Variants in TBC1D28 observed in about 807,000 individuals in gnomAD.
The protein encoded by TBC1D28 is TBC1 domain family, member 28.
In TBC1D28, 20 loss-of-function variants were observed where a neutral mutation model predicts 29.2. That is an observed-to-expected ratio of 0.68 (90% CI 0.48 to 0.99). The LOEUF (loss-of-function observed/expected upper bound fraction) is 0.99. TBC1D28 is among the 50% of genes least tolerant of loss of function. The pLI, the probability that TBC1D28 is intolerant of heterozygous loss-of-function variation, is 0.00. For synonymous variants in TBC1D28, 65 were observed against 90.9 expected (o/e 0.71, Z 1.62); for missense variants, 205 against 243.7 (o/e 0.84, Z 1.06).
At chr17:18,639,576 TGACTA>T (rs1411683817) in intron 4 of TBC1D28, among the ~76,000 whole-genome samples, 2 of 120,770 alleles carry the variant, frequency 1.7e-5, no homozygotes, top group Non-Finnish European at 3.4e-5. Flanking sequence ...GGCCAAGCCC[TGACTA>T]ACAGCAGTAC....
intron 8 of TBC1D28, among the ~76,000 whole-genome samples, chr17:18,637,202 G>A (rs1454586306): frequency 4.6e-5 from 6 of 131,736 alleles, no homozygotes; most frequent in African/African-American, 1.2e-4. Flanking sequence ...TCACTGAGTC[G>A]CCTCTGTCTG....
At chr17:18,644,330 C>T (rs1462321575), upstream of TBC1D28, 4 of 152,116 alleles carry the variant, frequency 2.6e-5, no homozygotes, top group African/African-American at 9.7e-5. Context: ...CTTAGCAAAA[C>T]TTCCTTTTCT....
At position 18,636,615 on chromosome 17, in the gene TBC1D28, G is replaced by A. The variant is rs1567875328; in HGVS notation, c.498-18C>T. The A allele has an allele frequency of 6.2e-7, 1 of 1,604,276 alleles. No homozygotes were observed. The highest frequency in any genetic ancestry group is 2.2e-5 in the East Asian group (1 of 44,670). Reference sequence around the variant, plus strand: ...CCTGCTGCCTAGAAAAGAGGGGAAAGAGGGTTTTGTTTTTTTTGTGCAGAC... The same window carrying A: ...CCTGCTGCCTAGAAAAGAGGGGAAAAAGGGTTTTGTTTTTTTTGTGCAGAC... On this transcript the variant is annotated intron_variant, in intron 8 of 8. Coordinates refer to ENST00000345096, the Ensembl canonical transcript of TBC1D28.
At position 18,636,529 on chromosome 17, in the gene TBC1D28, C is replaced by T. The variant is rs1236197902; in HGVS notation, c.566G>A (p.Arg189Gln). The T allele has an allele frequency of 9.3e-6, 15 of 1,613,664 alleles. No homozygotes were observed. Among genetic ancestry groups the T allele is most frequent in the South Asian group, 8.8e-5 (8 of 91,046 alleles). ...ATATGGGCACAGGTACCAGGAATAT[C>T]GCTGCCCGGGAATACTCACAGGGTT... The change falls in exon 9 of 9, where the codon CGA becomes CAA. Residue 189 changes from arginine (R) to glutamine (Q), a missense_variant. Coordinates refer to ENST00000345096, the Ensembl canonical transcript of TBC1D28.
At chr17:18,636,890 T>C in intron 8 of TBC1D28, among the ~76,000 whole-genome samples, 1 of 121,196 alleles carries the variant, frequency 8.3e-6, no homozygotes, top group Non-Finnish European at 1.7e-5. Context: ...CTTTGGGACG[T>C]GCAGTTCCAC....
At position 18,639,066 on chromosome 17, in the gene TBC1D28, G is replaced by A. The variant is rs928129736; in HGVS notation, c.198+109C>T. The A allele has an allele frequency of 7.2e-5, 101 of 1,397,136 alleles. No homozygotes were observed. In the East Asian group the frequency reaches 1.3e-3, roughly 17 times the overall value. The allele number at this position is 1,397,136 out of a possible 1,614,324, so 86.5% of individuals were successfully genotyped here. A position where few individuals can be genotyped will look rare whatever the true frequency, so the allele number is the denominator to read the frequency against. On this transcript the variant is annotated intron_variant, in intron 5 of 8. Transcript: ENST00000345096. Reference sequence around the variant, plus strand: ...AAGGCCACCCCTCCCAGTGACAGCCGTGGCCCACTCACCACCACACAGGCC... The same window carrying A: ...AAGGCCACCCCTCCCAGTGACAGCCATGGCCCACTCACCACCACACAGGCC...
chr17:18,638,758 G>T, intron 5 of TBC1D28, 57 bp from the exon 7 acceptor site: 1 of 1,611,338 alleles, frequency 6.2e-7, no homozygotes. Flanking sequence ...ACAGTGGCCC[G>T]TGGATGCTGG....
exon 9 of TBC1D28, chr17:18,635,741 T>C (rs1328778786): frequency 1.0e-6 from 1 of 1,002,682 alleles, no homozygotes; most frequent in Non-Finnish European, 1.2e-6. Context: ...CACGGTGACT[T>C]GGTGACATCC....
At chr17:18,636,013 T>A (rs2031480828) in exon 9 of TBC1D28, 5 of 995,970 alleles carry the variant, frequency 5.0e-6, no homozygotes, top group Non-Finnish European at 6.0e-6. Flanking sequence ...GGCTGGGTCC[T>A]CCATGTGGGC....
At chr17:18,634,841 TCCTCAGCCCCTCAGCCG>T (rs2151710616), downstream of TBC1D28, among the ~76,000 whole-genome samples, 1 of 90,062 alleles carries the variant, frequency 1.1e-5, no homozygotes, top group East Asian at 3.0e-4. Flanking sequence ...CCCCTCAGCC[TCCTCAGCCCCTCAGCCG>T]CCTCAGCCGC....
In TBC1D28 at chr17:18,641,108, A is replaced by C; in HGVS notation, c.76-4T>G. 1.4e-6 allele frequency: 1 copy of C among 722,238 alleles called. No individual in the cohort carries two copies. Among genetic ancestry groups the C allele is most frequent in the Non-Finnish European group, 2.2e-6 (1 of 449,552 alleles). The allele number at this position is 722,238 out of a possible 1,614,324, so 44.7% of individuals were successfully genotyped here. A position where few individuals can be genotyped will look rare whatever the true frequency, so the allele number is the denominator to read the frequency against. On this transcript the variant is annotated splice_polypyrimidine_tract_variant and splice_region_variant and intron_variant, in intron 3 of 8. Coordinates refer to ENST00000345096, the Ensembl canonical transcript of TBC1D28. ...CTGCTGCCCCAGCTCGGTGTCCCTG[A>C]AACCCAGAGGAGGCCAGGATAGTGG...
At chr17:18,634,772 G>A (rs1250416710), downstream of TBC1D28, among the ~76,000 whole-genome samples, 1 of 151,988 alleles carries the variant, frequency 6.6e-6, no homozygotes, top group Non-Finnish European at 1.5e-5. Flanking sequence ...CTGCGGCAGG[G>A]ACCGGCCAGG....
At chr17:18,636,203 CAA>C (rs2031488867) in exon 9 of TBC1D28, 1 of 1,253,980 alleles carries the variant, frequency 8.0e-7, no homozygotes, top group South Asian at 3.0e-5. Flanking sequence ...CCCCAGGATG[CAA>C]ACTCATTTCA....
Position 18,635,441 on chromosome 17 carries a change from A to C in TBC1D28, c.*1021T>G, listed in dbSNP as rs3104606. On this transcript the variant is annotated 3_prime_UTR_variant, in exon 9 of 9. Coordinates refer to ENST00000345096, the Ensembl canonical transcript of TBC1D28. ...GCCCGAAATTGTCCCTAACAAACCC[A>C]ACACCCGCAGGGCTGACGTTTGGAC... 1.8e-3 allele frequency: 1,211 copies of C among 686,540 alleles called. 9 individuals are homozygous for C. In the African/African-American group the frequency reaches 0.022, roughly 13 times the overall value. 42.5% of individuals were successfully genotyped at this position (686,540 alleles called of 1,614,324 possible).
intron 4 of TBC1D28, 39 bp from the exon 6 acceptor site, chr17:18,639,253 G>A: frequency 1.2e-6 from 2 of 1,605,420 alleles, no homozygotes; most frequent in Non-Finnish European, 1.7e-6. Flanking sequence ...ACCTGCCCAG[G>A]CCAGGAGCCA....
At chr17:18,634,824 CCCTCAGCCCCTCAGCCT>C (rs1363046838), downstream of TBC1D28, among the ~76,000 whole-genome samples, 169 of 142,366 alleles carry the variant, frequency 1.2e-3, no homozygotes, top group African/African-American at 3.7e-3. Context: ...CCGCCTCAGC[CCCTCAGCCCCTCAGCCT>C]CCTCAGCCCC....
intron 8 of TBC1D28, among the ~76,000 whole-genome samples, chr17:18,636,834 A>C (rs2031523456): frequency 7.2e-6 from 1 of 138,268 alleles, no homozygotes; most frequent in Admixed American, 7.3e-5. Flanking sequence ...ACTCTGGTTG[A>C]TTTTTTCTTC....
chr17:18,639,409 A>C (rs1276786982), intron 4 of TBC1D28, among the ~76,000 whole-genome samples, 195 bp from the exon 6 acceptor site: 3 of 113,402 alleles, frequency 2.6e-5, no homozygotes, highest in East Asian at 8.3e-4. Context: ...GGTGAAGAAG[A>C]AGCTCAAAGC....
exon 8 of TBC1D28, chr17:18,637,883 T>C (rs1340592047): frequency 6.2e-7 from 1 of 1,613,786 alleles, no homozygotes; most frequent in Non-Finnish European, 8.5e-7. Context: ...AATCTTTGTA[T>C]GAACATCATG....
Sources: gnomAD v4.1 joint callset for allele counts (sites outside exome capture counted in the v4.1 genomes callset) on GRCh38, gnomAD v4.1.1 for gene constraint, MANE v1.5 for transcripts, NCBI Gene and HGNC (gene_info 2026-07-23, HGNC 2026-07-21) for gene names.